The following GALNT17 variants were observed in gnomAD, a reference collection of about 807,000 sequenced individuals.
GALNT17 encodes polypeptide N-acetylgalactosaminyltransferase 17.
Under a neutral mutation model 63.7 loss-of-function variants are expected in GALNT17, and 29 were observed. That is an observed-to-expected ratio of 0.46 (90% CI 0.34 to 0.62). GALNT17 has a LOEUF of 0.62. GALNT17 is among the 20% of genes least tolerant of loss of function. The pLI is 0.01. For missense variants in GALNT17, 603 were observed against 799.6 expected (o/e 0.75, Z 2.97); for synonymous variants, 305 against 318.3 (o/e 0.96, Z 0.45).
At chr7:71,450,994 A>ATATG (rs1377430159) in intron 5 of GALNT17, among the ~76,000 whole-genome samples, 1 of 150,266 alleles carries the variant, frequency 6.7e-6, no homozygotes, top group Non-Finnish European at 1.5e-5. Flanking sequence ...GGTTTGCTAC[A>ATATG]TATGTATACA....
At chr7:71,641,662 C>T (rs144597521) in intron 6 of GALNT17, among the ~76,000 whole-genome samples, 127 of 152,156 alleles carry the variant, frequency 8.3e-4, no homozygotes, top group African/African-American at 3.0e-3. Flanking sequence ...CCCCCATCTC[C>T]TCATCCTGTC....
intron 1 of GALNT17, among the ~76,000 whole-genome samples, chr7:71,245,578 G>A (rs1402510706): frequency 2.0e-5 from 3 of 152,142 alleles, no homozygotes; most frequent in Non-Finnish European, 4.4e-5. Flanking sequence ...ATCTCTGGGC[G>A]TATGTGCAAC....
At chr7:71,324,851 T>G (rs549514053) in intron 1 of GALNT17, among the ~76,000 whole-genome samples, 20 of 152,288 alleles carry the variant, frequency 1.3e-4, no homozygotes, top group African/African-American at 4.8e-4. Flanking sequence ...ATAATTGAAG[T>G]GCTTATTATA....
At chr7:71,366,414 C>G (rs1792509189) in intron 2 of GALNT17, among the ~76,000 whole-genome samples, 1 of 152,120 alleles carries the variant, frequency 6.6e-6, no homozygotes, top group Non-Finnish European at 1.5e-5. Context: ...AACCCTGTCT[C>G]TATTAAAAAT....
At chr7:71,337,360 T>C (rs1221856516) in intron 2 of GALNT17, among the ~76,000 whole-genome samples, 2 of 152,234 alleles carry the variant, frequency 1.3e-5, no homozygotes, top group African/African-American at 4.8e-5. Context: ...ATTTATTTTC[T>C]GAATCCACAC....
At chr7:71,456,448 C>T (rs1406628466) in intron 5 of GALNT17, among the ~76,000 whole-genome samples, 3 of 151,996 alleles carry the variant, frequency 2.0e-5, no homozygotes, top group African/African-American at 7.3e-5. Context: ...CCTGTAATCC[C>T]AGCACTTTGG....
intron 2 of GALNT17, among the ~76,000 whole-genome samples, chr7:71,364,542 TAGAAC>T (rs758407502): frequency 1.3e-5 from 2 of 152,096 alleles, no homozygotes; most frequent in Non-Finnish European, 2.9e-5. Flanking sequence ...GTGAGGAAAG[TAGAAC>T]ATTTTATGGG....
intron 9 of GALNT17, 72 bp downstream of exon 9, chr7:71,677,378 C>G: frequency 3.5e-6 from 5 of 1,417,892 alleles, no homozygotes; most frequent in Non-Finnish European, 2.9e-6. Context: ...TGCAGGCCTT[C>G]TGGATAAACT....
At chr7:71,568,130 T>C (rs981138134) in intron 5 of GALNT17, among the ~76,000 whole-genome samples, 2 of 152,228 alleles carry the variant, frequency 1.3e-5, no homozygotes, top group African/African-American at 2.4e-5. Flanking sequence ...ACGGTGTTTC[T>C]GGCCTTTGGC....
chr7:71,513,472 G>A (rs561185583), intron 5 of GALNT17, among the ~76,000 whole-genome samples: 14 of 151,778 alleles, frequency 9.2e-5, no homozygotes, highest in Admixed American at 2.6e-4. Flanking sequence ...TGCAACCTCC[G>A]CCTCCCCAGT....
intron 5 of GALNT17, among the ~76,000 whole-genome samples, chr7:71,529,701 G>A (rs959198912): frequency 1.3e-5 from 2 of 152,178 alleles, no homozygotes; most frequent in Admixed American, 6.5e-5. Context: ...TAAAGGGATT[G>A]ATACTTTCAG....
chr7:71,342,334 C>G (rs772802180), intron 2 of GALNT17, among the ~76,000 whole-genome samples: 10 of 152,100 alleles, frequency 6.6e-5, no homozygotes, highest in Non-Finnish European at 1.3e-4. Flanking sequence ...ACAACAAAAT[C>G]TCATGTGAAC....
intron 5 of GALNT17, among the ~76,000 whole-genome samples, chr7:71,430,530 G>C (rs1786842655): frequency 2.6e-5 from 4 of 152,208 alleles, no homozygotes; most frequent in Admixed American, 2.6e-4. Flanking sequence ...TCTTCTGTGA[G>C]GTGACAGTGG....
intron 5 of GALNT17, among the ~76,000 whole-genome samples, chr7:71,499,782 G>C (rs1226670835): frequency 6.6e-6 from 1 of 152,150 alleles, no homozygotes; most frequent in African/African-American, 2.4e-5. Flanking sequence ...TGGTTTGGCT[G>C]TGTCCCCCCA....
In GALNT17 at chr7:71,712,010, C is replaced by T. The variant is rs1240152419; in HGVS notation, c.1669-8C>T. The T allele has an allele frequency of 1.2e-6, 2 of 1,613,630 alleles. No homozygotes were observed. Among genetic ancestry groups the T allele is most frequent in the Non-Finnish European group, 8.5e-7 (1 of 1,179,872 alleles). ...TTCTCCTCTCTTCTCGATTTTGCCC[C>T]CTCCCAGAATGGAGCCATCATGAAC... is the stretch of plus-strand genomic sequence containing the variant. On this transcript the variant is annotated splice_region_variant and splice_polypyrimidine_tract_variant and intron_variant, in intron 10 of 10. Coordinates refer to ENST00000333538, the MANE Select transcript of GALNT17 (RefSeq NM_022479.3).
chr7:71,363,091 T>C (rs966710684), intron 2 of GALNT17, among the ~76,000 whole-genome samples: 1 of 151,966 alleles, frequency 6.6e-6, no homozygotes, highest in African/African-American at 2.4e-5. Flanking sequence ...CTCAGCCTCC[T>C]GAGTAGCTGG....
intron 1 of GALNT17, among the ~76,000 whole-genome samples, chr7:71,216,140 C>A (rs948758454): frequency 8.6e-5 from 13 of 152,014 alleles, no homozygotes; most frequent in Admixed American, 2.0e-4. Flanking sequence ...TTACTTGAGT[C>A]CAGGAACTAG....
At chr7:71,480,944 A>G (rs1787807422) in intron 5 of GALNT17, among the ~76,000 whole-genome samples, 1 of 152,222 alleles carries the variant, frequency 6.6e-6, no homozygotes, top group South Asian at 2.1e-4. Context: ...AGCCCAGGCA[A>G]CACAGAGCTA....
In GALNT17 at chr7:71,381,172, G is replaced by A. The variant is rs142170373; in HGVS notation, c.423-7063G>A. On this transcript the variant is annotated intron_variant, in intron 2 of 10. Transcript: ENST00000333538. ...AGGTGGGATTTCACCATGTTGGCCAGACTGGTCTTGAACTCCTGACCTCTG... is the reference window on the plus strand; with the variant it reads ...AGGTGGGATTTCACCATGTTGGCCAAACTGGTCTTGAACTCCTGACCTCTG... 3.9e-5 allele frequency among the ~76,000 whole-genome samples: 6 copies of A among 151,964 alleles called. No homozygotes were observed. The East Asian group carries it at 9.8e-4, about 25-fold the overall frequency.
Sources: allele counts gnomAD v4.1 joint callset (sites outside exome capture counted in the v4.1 genomes callset), GRCh38; gene constraint gnomAD v4.1.1; transcripts MANE v1.5; gene names NCBI Gene and HGNC (gene_info 2026-07-23, HGNC 2026-07-21).